OTUD7A: variants seen among roughly 807,000 people sequenced by gnomAD.
The protein encoded by OTUD7A is OTU domain-containing protein 7A.
Under a neutral mutation model 65.7 loss-of-function variants are expected in OTUD7A, and 12 were observed. The observed-to-expected ratio is 0.18, with a 90% CI of 0.12 to 0.30. The LOEUF is 0.30. OTUD7A is among the 10% of genes least tolerant of loss of function. The probability of loss-of-function intolerance (pLI) is 1.00; values close to 1 mark genes in which losing one functional copy is unlikely to be tolerated. For missense variants in OTUD7A, 1,148 were observed against 1,304.8 expected (o/e 0.88, Z 1.85); for synonymous variants, 641 against 586.3 (o/e 1.09, Z -1.35).
At chr15:31,740,289 G>A (rs1252551562) in intron 1 of OTUD7A, among the ~76,000 whole-genome samples, 7 of 152,162 alleles carry the variant, frequency 4.6e-5, no homozygotes, top group African/African-American at 1.4e-4. Flanking sequence ...GAGGCCTCTC[G>A]GGTTGCCGGA....
At chr15:31,543,218 GGTTAAGAT>G (rs1183731662) in intron 5 of OTUD7A, among the ~76,000 whole-genome samples, 1 of 151,798 alleles carries the variant, frequency 6.6e-6, no homozygotes, top group Non-Finnish European at 1.5e-5. Flanking sequence ...GTGTAAAGTA[GGTTAAGAT>G]GTTAATTAAT....
At chr15:31,734,601 C>T (rs1165060532) in intron 1 of OTUD7A, among the ~76,000 whole-genome samples, 1 of 152,148 alleles carries the variant, frequency 6.6e-6, no homozygotes, top group African/African-American at 2.4e-5. Context: ...AATAAGACCG[C>T]ACACCTTCAA....
rs1369290536 is a variant in OTUD7A, at chr15:31,703,148, A to C, written c.-99-46071T>G. On this transcript the variant is annotated intron_variant, in intron 1 of 12. Transcript: ENST00000307050. ...CTTGAATGTAAAATATAAGACTACA[A>C]AACTTTTTGAAAATAAACATACGAG... Among the ~76,000 whole-genome samples, 6 of 152,244 alleles carry C rather than the reference A, an allele frequency of 3.9e-5. No individual in the cohort carries two copies. In the East Asian group the frequency reaches 9.6e-4, roughly 24 times the overall value.
At chr15:31,870,213 G>A (rs1897990757) in intron 1 of OTUD7A, among the ~76,000 whole-genome samples, 1 of 149,152 alleles carries the variant, frequency 6.7e-6, no homozygotes. Context: ...CAGCGGTAGC[G>A]CCGCGCCCTG....
At chr15:31,702,483 C>T (rs1383886810) in intron 1 of OTUD7A, among the ~76,000 whole-genome samples, 1 of 150,986 alleles carries the variant, frequency 6.6e-6, no homozygotes, top group Admixed American at 6.6e-5. Context: ...CATGTGGACA[C>T]TAACATTAAA....
At chr15:31,857,802 C>T (rs1897616138) in intron 1 of OTUD7A, among the ~76,000 whole-genome samples, 1 of 152,154 alleles carries the variant, frequency 6.6e-6, no homozygotes, top group Admixed American at 6.5e-5. Flanking sequence ...CTACTTTGGA[C>T]TTTCAATTCT....
chr15:31,573,199 C>A (rs1364944699), intron 3 of OTUD7A, among the ~76,000 whole-genome samples: 1 of 152,180 alleles, frequency 6.6e-6, no homozygotes, highest in Admixed American at 6.5e-5. Context: ...GACAATAGGG[C>A]CACATCTACA....
intron 1 of OTUD7A, among the ~76,000 whole-genome samples, chr15:31,845,896 A>G (rs1211564561): frequency 1.3e-5 from 2 of 152,206 alleles, no homozygotes; most frequent in African/African-American, 2.4e-5. Flanking sequence ...TGGGGACTCT[A>G]CGGGACACCA....
intron 1 of OTUD7A, among the ~76,000 whole-genome samples, chr15:31,697,910 C>T (rs1203218807): frequency 6.6e-6 from 1 of 152,308 alleles, no homozygotes; most frequent in Non-Finnish European, 1.5e-5. Context: ...CTTATCTCCA[C>T]AGCTCCTGAA....
intron 1 of OTUD7A, among the ~76,000 whole-genome samples, chr15:31,835,477 A>G (rs1287476802): frequency 6.6e-6 from 1 of 152,200 alleles, no homozygotes; most frequent in Non-Finnish European, 1.5e-5. Flanking sequence ...CATGTGCAGC[A>G]AATCCCCACT....
intron 3 of OTUD7A, among the ~76,000 whole-genome samples, chr15:31,632,574 A>G (rs1891204172): frequency 6.6e-6 from 1 of 152,172 alleles, no homozygotes; most frequent in African/African-American, 2.4e-5. Context: ...GGGGTCAAGG[A>G]CCCACTTGAG....
At chr15:31,867,955 A>G (rs2141024287) in intron 1 of OTUD7A, among the ~76,000 whole-genome samples, 1 of 152,250 alleles carries the variant, frequency 6.6e-6, no homozygotes, top group African/African-American at 2.4e-5. Context: ...ACACACATGC[A>G]CCCACCTCAA....
At chr15:31,559,952 G>A (rs552273808) in intron 4 of OTUD7A, among the ~76,000 whole-genome samples, 7 of 152,232 alleles carry the variant, frequency 4.6e-5, no homozygotes, top group African/African-American at 1.7e-4. Flanking sequence ...CACCTGGTAT[G>A]TGGCACTTAT....
intron 1 of OTUD7A, among the ~76,000 whole-genome samples, chr15:31,862,161 C>T (rs1012507984): frequency 5.9e-5 from 9 of 152,192 alleles, no homozygotes; most frequent in African/African-American, 1.9e-4. Flanking sequence ...CTTTGGAATG[C>T]TATTCTTTTC....
At chr15:31,800,551 C>T (rs140441178) in intron 1 of OTUD7A, among the ~76,000 whole-genome samples, 2,368 of 152,280 alleles carry the variant, frequency 0.016, 67 homozygotes, top group African/African-American at 0.054. Flanking sequence ...TACCCAATGG[C>T]CTCTGTGGCT....
chr15:31,598,632 G>A (rs376503975), intron 3 of OTUD7A, among the ~76,000 whole-genome samples: 11 of 152,160 alleles, frequency 7.2e-5, no homozygotes, highest in African/African-American at 2.2e-4. Context: ...TACCCCAGTG[G>A]TGCCTGGAAC....
chr15:31,784,924 G>A (rs535097693), intron 1 of OTUD7A, among the ~76,000 whole-genome samples: 1 of 152,326 alleles, frequency 6.6e-6, no homozygotes, highest in Non-Finnish European at 1.5e-5. Flanking sequence ...GGGGAGGCTG[G>A]AGTTAAAGTA....
At chr15:31,598,534 TA>T (rs777157840) in intron 3 of OTUD7A, among the ~76,000 whole-genome samples, 61 of 152,232 alleles carry the variant, frequency 4.0e-4, no homozygotes, top group Middle Eastern at 3.4e-3. Flanking sequence ...TTCCAGTGCC[TA>T]TGTCACCAGG....
chr15:31,732,938 A>G (rs544386703), intron 1 of OTUD7A, among the ~76,000 whole-genome samples: 3 of 152,264 alleles, frequency 2.0e-5, no homozygotes, highest in Non-Finnish European at 4.4e-5. Flanking sequence ...CCAAACCACA[A>G]TCTTGACGTC....
Sources: gnomAD v4.1 joint callset for allele counts (sites outside exome capture counted in the v4.1 genomes callset) on GRCh38, gnomAD v4.1.1 for gene constraint, MANE v1.5 for transcripts, NCBI Gene and HGNC (gene_info 2026-07-23, HGNC 2026-07-21) for gene names.